FILIP1L: variants seen among roughly 807,000 people sequenced by gnomAD.
FILIP1L encodes the protein filamin A interacting protein 1 like, also known as filamin A-interacting protein 1-like.
FILIP1L carries 55 observed loss-of-function variants against 96.6 expected under a neutral mutation model. That is an observed-to-expected ratio of 0.57 (90% confidence interval 0.46 to 0.71). The LOEUF is 0.71. Ranked by LOEUF, FILIP1L falls within the 30% of genes least tolerant of loss-of-function variation. The pLI is 0.00. For missense variants in FILIP1L, 1,304 were observed against 1,321.2 expected, an observed-to-expected ratio of 0.99 and a Z score of 0.20; for synonymous variants, 467 against 473.9, an observed-to-expected ratio of 0.99 and a Z score of 0.19.
intron 2 of FILIP1L, 110 bp downstream of exon 2, chr3:99,930,659 G>T: frequency 8.5e-7 from 1 of 1,176,330 alleles, no homozygotes; most frequent in Non-Finnish European, 1.2e-6. Flanking sequence ...TTGCTTTCAT[G>T]TACACACATG....
chr3:99,921,785 A>G, intron 4 of FILIP1L, among the ~76,000 whole-genome samples: 1 of 152,260 alleles, frequency 6.6e-6, no homozygotes, highest in South Asian at 2.1e-4. Context: ...ATTTCAAAAT[A>G]CTATTCTTCA....
intron 4 of FILIP1L, among the ~76,000 whole-genome samples, chr3:99,907,106 A>T (rs181399886): frequency 4.6e-5 from 7 of 152,244 alleles, no homozygotes; most frequent in African/African-American, 1.7e-4. Flanking sequence ...CAACAAATAC[A>T]CAGAGTTGGT....
chr3:100,089,564 A>C (rs1168692686), intron 1 of FILIP1L, among the ~76,000 whole-genome samples: 1 of 152,204 alleles, frequency 6.6e-6, no homozygotes, highest in Non-Finnish European at 1.5e-5. Flanking sequence ...AAGCAGAAAC[A>C]TTTCTAAAAC....
chr3:100,114,337 A>T lies in FILIP1L; in HGVS notation c.-295T>A, dbSNP rs2066537446. ...GGGCAGTGTCCTTCATGCTCTGAAGACAGGCAGCCTTACCAAAACTCTTAC... is the reference window on the plus strand; with the variant it reads ...GGGCAGTGTCCTTCATGCTCTGAAGTCAGGCAGCCTTACCAAAACTCTTAC... On this transcript the variant is annotated 5_prime_UTR_variant, in exon 1 of 6. Coordinates refer to ENST00000477258, the MANE Select transcript of FILIP1L (RefSeq NM_001387850.1). The T allele has an allele frequency of 6.6e-6, 1 of 152,220 alleles. No individual in the cohort carries two copies. The highest frequency in any genetic ancestry group is 2.4e-5 in the African/African-American group (1 of 41,422). 9.4% of individuals were successfully genotyped at this position (152,220 alleles called of 1,614,324 possible). A position where few individuals can be genotyped will look rare whatever the true frequency, so the allele number is the denominator to read the frequency against.
intron 4 of FILIP1L, among the ~76,000 whole-genome samples, chr3:99,914,237 A>G (rs1039089188): frequency 6.6e-6 from 1 of 152,180 alleles, no homozygotes; most frequent in African/African-American, 2.4e-5. Context: ...TTGATATAGG[A>G]TATATGAAGG....
chr3:99,868,385 A>G (rs115104237), intron 4 of FILIP1L, among the ~76,000 whole-genome samples: 1,900 of 152,282 alleles, frequency 0.012, 26 homozygotes, highest in Non-Finnish European at 0.016. Flanking sequence ...TCATGACTGC[A>G]TCCTACAAAG....
rs977722205 is a variant in FILIP1L, at chr3:99,994,146, C to G, written c.-10-63116G>C. Among the ~76,000 whole-genome samples, 7 of 152,116 alleles carry G rather than the reference C, an allele frequency of 4.6e-5. No homozygotes were observed. In the East Asian group the frequency reaches 1.3e-3, roughly 29 times the overall value. On this transcript the variant is annotated intron_variant, in intron 1 of 5. Coordinates refer to ENST00000477258, the MANE Select transcript of FILIP1L (RefSeq NM_001387850.1). Reference sequence around the variant, plus strand: ...GGAGATTTTTTATTACTGATTCAATCTTGCTACTCATTATTGGTCTGTTCA... The same window carrying G: ...GGAGATTTTTTATTACTGATTCAATGTTGCTACTCATTATTGGTCTGTTCA...
At chr3:99,964,854 A>G (rs938738699) in intron 1 of FILIP1L, among the ~76,000 whole-genome samples, 10 of 151,226 alleles carry the variant, frequency 6.6e-5, no homozygotes, top group African/African-American at 1.9e-4. Context: ...CTGTGGAAAA[A>G]CTCTTTCCTA....
intron 1 of FILIP1L, chr3:100,023,570 T>C (rs2107237092): frequency 6.5e-6 from 1 of 152,738 alleles, no homozygotes; most frequent in East Asian, 1.9e-4. Context: ...GAGAACATTT[T>C]TGTAAACAGA....
chr3:99,847,375 T>C (rs955098275), intron 5 of FILIP1L, among the ~76,000 whole-genome samples: 1 of 149,826 alleles, frequency 6.7e-6, no homozygotes, highest in Non-Finnish European at 1.5e-5. Context: ...TGAAGTAGAG[T>C]GTTCAAGAGT....
chr3:99,853,472 T>C (rs1446555988), intron 4 of FILIP1L, among the ~76,000 whole-genome samples: 1 of 152,222 alleles, frequency 6.6e-6, no homozygotes, highest in African/African-American at 2.4e-5. Context: ...TGCAGTATAA[T>C]TAAAAGAGTA....
chr3:99,988,186 C>CAT lies in FILIP1L; in HGVS notation c.-10-57158_-10-57157dup, dbSNP rs528026275. On this transcript the variant is annotated intron_variant, in intron 1 of 5. Transcript: ENST00000477258. Reference sequence around the variant, plus strand: ...TCTTTTATCTTTATTTTAATCCAACCATATATTCTTTTTAGAAAGTCTGAA... The same window carrying CAT: ...TCTTTTATCTTTATTTTAATCCAACCATATATATTCTTTTTAGAAAGTCTGAA... 1.1e-3 allele frequency among the ~76,000 whole-genome samples: 172 copies of CAT among 151,654 alleles called. 1 individual carries two copies. Among genetic ancestry groups the CAT allele is most frequent in the African/African-American group, 3.8e-3 (156 of 41,386 alleles).
At chr3:99,950,065 G>C (rs1402914614) in intron 1 of FILIP1L, among the ~76,000 whole-genome samples, 1 of 152,180 alleles carries the variant, frequency 6.6e-6, no homozygotes, top group East Asian at 1.9e-4. Context: ...TGGGGACAAG[G>C]TCATTTTAAG....
At chr3:99,989,990 G>C (rs1427548865) in intron 1 of FILIP1L, among the ~76,000 whole-genome samples, 3 of 151,996 alleles carry the variant, frequency 2.0e-5, no homozygotes, top group Non-Finnish European at 4.4e-5. Flanking sequence ...AATGCCAGTG[G>C]TTTATTTCTG....
chr3:99,933,230 C>G (rs149166098), intron 1 of FILIP1L, among the ~76,000 whole-genome samples: 2 of 152,122 alleles, frequency 1.3e-5, no homozygotes, highest in East Asian at 3.9e-4. Flanking sequence ...GGTACAAATA[C>G]CTTGTCCGAA....
At chr3:99,840,662 A>G (rs1208356223) in intron 5 of FILIP1L, among the ~76,000 whole-genome samples, 1 of 152,230 alleles carries the variant, frequency 6.6e-6, no homozygotes, top group Non-Finnish European at 1.5e-5. Flanking sequence ...ATTTCCCAAA[A>G]GGAATTTTAA....
chr3:100,074,374 T>C (rs1290146743), intron 1 of FILIP1L, among the ~76,000 whole-genome samples: 1 of 152,154 alleles, frequency 6.6e-6, no homozygotes, highest in African/African-American at 2.4e-5. Context: ...AATCAGAGGC[T>C]TTCTTCCCTT....
intron 1 of FILIP1L, among the ~76,000 whole-genome samples, chr3:100,007,192 T>A (rs1710012831): frequency 1.3e-5 from 2 of 152,340 alleles, no homozygotes; most frequent in South Asian, 4.1e-4. Flanking sequence ...TCTTAAGGCT[T>A]TTATTGCTTT....
chr3:100,074,470 T>G (rs2065814465), intron 1 of FILIP1L, among the ~76,000 whole-genome samples: 1 of 152,168 alleles, frequency 6.6e-6, no homozygotes, highest in Non-Finnish European at 1.5e-5. Context: ...CTGCTACATT[T>G]TTCTCTGTGG....
Sources: allele counts gnomAD v4.1 joint callset (sites outside exome capture counted in the v4.1 genomes callset), GRCh38; gene constraint gnomAD v4.1.1; transcripts MANE v1.5; gene names NCBI Gene and HGNC (gene_info 2026-07-23, HGNC 2026-07-21).